The following TMPRSS15 variants were observed in gnomAD, a reference collection of about 807,000 sequenced individuals.
TMPRSS15 encodes enteropeptidase.
Under a neutral mutation model 125.3 loss-of-function variants are expected in TMPRSS15, and 128 were observed. That is an observed-to-expected ratio of 1.02 (90% CI 0.89 to 1.18). The LOEUF (loss-of-function observed/expected upper bound fraction) is 1.18. Ranked by LOEUF, TMPRSS15 falls within the 50% of genes most tolerant of loss-of-function variation. TMPRSS15 has a pLI of 0.00. For missense variants in TMPRSS15, 1,283 were observed against 1,212.7 expected (o/e 1.06, Z -0.86); for synonymous variants, 446 against 423.2 (o/e 1.05, Z -0.66).
At chr21:18,391,993 G>C (rs1300316076) in intron 3 of TMPRSS15, among the ~76,000 whole-genome samples, 1 of 152,198 alleles carries the variant, frequency 6.6e-6, no homozygotes. Flanking sequence ...GCTGGAGCTG[G>C]AGTGGCTGGG....
chr21:18,427,305 T>C (rs2076204845), intron 1 of TMPRSS15, among the ~76,000 whole-genome samples: 1 of 152,210 alleles, frequency 6.6e-6, no homozygotes, highest in Non-Finnish European at 1.5e-5. Context: ...GTACAGCTTT[T>C]TTAGAATTAT....
chr21:18,364,059 T>A (rs1007289889), intron 7 of TMPRSS15, among the ~76,000 whole-genome samples: 1 of 152,134 alleles, frequency 6.6e-6, no homozygotes, highest in Non-Finnish European at 1.5e-5. Context: ...CTGGGATATG[T>A]CTACCTGGGT....
chr21:18,423,141 A>C (rs1182183974), intron 1 of TMPRSS15, among the ~76,000 whole-genome samples: 1 of 152,088 alleles, frequency 6.6e-6, no homozygotes, highest in Non-Finnish European at 1.5e-5. Context: ...GGCAAATATG[A>C]CTTATAGTTT....
intron 1 of TMPRSS15, among the ~76,000 whole-genome samples, chr21:18,445,369 T>C (rs1291539155): frequency 1.3e-5 from 2 of 152,000 alleles, no homozygotes; most frequent in Non-Finnish European, 1.5e-5. Flanking sequence ...TTAATAGAGA[T>C]GGGGTTTCAC....
At position 18,270,069 on chromosome 21, in the gene TMPRSS15, C is replaced by T; in HGVS notation, c.2960G>A (p.Gly987Asp). Reference sequence around the variant, plus strand: ...ACACTTGTATCCAAATGAGGTCACACCAGCAAGGAACCACCTGTTGTTTTC... The same window carrying T: ...ACACTTGTATCCAAATGAGGTCACATCAGCAAGGAACCACCTGTTGTTTTC... ...CQENNRWFLA[G>D]VTSFGYKCAL... Residue 987 changes from glycine to aspartate, a missense_variant, in exon 25 of 25, where the codon GGT becomes GAT. Gly to Asp is a moderately conservative substitution (Grantham distance 94). Coordinates refer to ENST00000284885, the MANE Select transcript of TMPRSS15 (RefSeq NM_002772.3). 1.9e-6 allele frequency: 3 copies of T among 1,613,924 alleles called. No homozygotes were observed. In the South Asian group the frequency reaches 3.3e-5, roughly 18 times the overall value.
intron 3 of TMPRSS15, among the ~76,000 whole-genome samples, chr21:18,392,425 C>G (rs1042451578): frequency 5.9e-5 from 9 of 152,086 alleles, no homozygotes; most frequent in Non-Finnish European, 8.8e-5. Context: ...TAAGAATAAC[C>G]TTTGGTCCCT....
intron 21 of TMPRSS15, 62 bp downstream of exon 21, chr21:18,294,208 A>T: frequency 1.3e-6 from 2 of 1,596,284 alleles, no homozygotes; most frequent in Non-Finnish European, 1.7e-6. Flanking sequence ...ATGAAATGGG[A>T]CGCTTGGCAG....
At chr21:18,364,991 A>G (rs2075712961) in intron 7 of TMPRSS15, 149 bp downstream of exon 7, 2 of 672,800 alleles carry the variant, frequency 3.0e-6, no homozygotes, top group South Asian at 1.8e-5. Flanking sequence ...ATGATAGTAT[A>G]GTTTTTTGTA....
At chr21:18,296,328 A>AAT (rs1353928271) in intron 19 of TMPRSS15, among the ~76,000 whole-genome samples, 37 of 152,218 alleles carry the variant, frequency 2.4e-4, no homozygotes, top group Non-Finnish European at 3.8e-4. Context: ...TCTATGCAAT[A>AAT]AATAATAAAT....
intron 21 of TMPRSS15, among the ~76,000 whole-genome samples, chr21:18,290,449 A>G (rs1002458721): frequency 1.3e-5 from 2 of 152,064 alleles, no homozygotes; most frequent in African/African-American, 4.8e-5. Context: ...AAATAAAAGA[A>G]GTTCTCAAAG....
intron 7 of TMPRSS15, 138 bp from the exon 8 acceptor site, chr21:18,360,001 C>T (rs1002247552): frequency 2.3e-5 from 13 of 559,096 alleles, no homozygotes; most frequent in Non-Finnish European, 3.3e-5. Flanking sequence ...TTTAAGTGTA[C>T]AGTGCAGTAT....
intron 24 of TMPRSS15, among the ~76,000 whole-genome samples, chr21:18,274,880 ACTG>A (rs2074601517): frequency 6.6e-6 from 1 of 152,194 alleles, no homozygotes; most frequent in African/African-American, 2.4e-5. Context: ...TTGAAAAGAA[ACTG>A]CTTTTAGATA....
rs571187479 is a variant in TMPRSS15 at position 18,345,011 on chromosome 21, G to T, written c.1172-951C>A. Among the ~76,000 whole-genome samples the T allele has an allele frequency of 2.9e-4, 44 of 152,220 alleles. No homozygotes were observed. In the South Asian group the frequency reaches 8.9e-3, roughly 31 times the overall value. On this transcript the variant is annotated intron_variant, in intron 10 of 24. Transcript: ENST00000284885. ...AAACTTTAAACTCATTCATTTATGA[G>T]ATGCAAAGTAAGAACAAGGCATAAA...
chr21:18,330,404 C>A (rs910047798), intron 14 of TMPRSS15, among the ~76,000 whole-genome samples: 1 of 152,174 alleles, frequency 6.6e-6, no homozygotes, highest in African/African-American at 2.4e-5. Context: ...AGAATAAATT[C>A]AAACTTCATA....
chr21:18,405,882 A>T (rs12627551), upstream of TMPRSS15, among the ~76,000 whole-genome samples: 40,489 of 152,082 alleles, frequency 0.27, 6,090 homozygotes, highest in East Asian at 0.58. Context: ...CATGAAGAAC[A>T]TTGATAAATT....
At position 18,389,656 on chromosome 21, in the gene TMPRSS15, A is replaced by G. The variant is rs553752466; in HGVS notation, c.345-5878T>C. 3.3e-5 allele frequency among the ~76,000 whole-genome samples: 5 copies of G among 152,264 alleles called. No homozygotes were observed. The East Asian group carries it at 9.7e-4, about 29-fold the overall frequency. ...TCTATGTTCATCAGGTTTTGTTCCA[A>G]CAGGAGATGGGAAGGCACTGAGGTT... On this transcript the variant is annotated intron_variant, in intron 3 of 24. Coordinates refer to ENST00000284885, the MANE Select transcript of TMPRSS15 (RefSeq NM_002772.3).
chr21:18,353,242 A>C (rs73194692), intron 9 of TMPRSS15, among the ~76,000 whole-genome samples, 190 bp from the exon 10 acceptor site: 1 of 151,790 alleles, frequency 6.6e-6, no homozygotes, highest in Non-Finnish European at 1.5e-5. Flanking sequence ...TTTTGTTGCC[A>C]ACTGTGTTAA....
rs755690856 is a variant in TMPRSS15 at position 18,341,539 on chromosome 21, T to TA, written c.1437dup (p.Asn480Ter). 5.0e-6 allele frequency: 8 copies of TA among 1,613,948 alleles called. No individual in the cohort carries two copies. Among genetic ancestry groups the TA allele is most frequent in the South Asian group, 2.2e-5 (2 of 91,082 alleles). On this transcript the variant is annotated frameshift_variant, in exon 13 of 25. Transcript: ENST00000284885. LOFTEE classifies it high-confidence loss of function. ...CTCAGGATCTTGTTTTTAAAAGCAT[T>TA]AAAAGCAACCTGCAATTCAGAGAGG...
chr21:18,370,319 T>A (rs1297662361), intron 6 of TMPRSS15, among the ~76,000 whole-genome samples: 1 of 152,140 alleles, frequency 6.6e-6, no homozygotes, highest in African/African-American at 2.4e-5. Context: ...TCCATGAGCA[T>A]AATAACAAAA....
Sources: gnomAD v4.1 joint callset for allele counts (sites outside exome capture counted in the v4.1 genomes callset) on GRCh38, gnomAD v4.1.1 for gene constraint, MANE v1.5 for transcripts, NCBI Gene and HGNC (gene_info 2026-07-23, HGNC 2026-07-21) for gene names.